FXR1: variants seen among roughly 807,000 people sequenced by gnomAD.
FXR1 encodes FMR1 autosomal homolog 1, also known as RNA-binding protein FXR1.
A neutral mutation model predicts 84.0 loss-of-function variants in FXR1; 15 were observed. The ratio of observed to expected loss-of-function variants is 0.18; its 90% CI spans 0.12 to 0.27. The LOEUF is 0.27. Among genes scored for constraint, FXR1 ranks in the 10% least tolerant of loss-of-function variants. FXR1 has a pLI of 1.00. For synonymous variants in FXR1, 245 were observed against 250.7 expected (o/e 0.98, Z 0.21); for missense variants, 480 against 774.4 (o/e 0.62, Z 4.51).
chr3:180,912,697 G>C lies in FXR1; in HGVS notation c.12G>C (p.Leu4=). 6.2e-7 allele frequency: 1 copy of C among 1,613,912 alleles called. No homozygotes were observed. The highest frequency in any genetic ancestry group is 8.5e-7 in the Non-Finnish European group (1 of 1,179,970). The change falls in exon 1 of 17, where the codon CTG becomes CTC. Residue 4 remains leucine (L), a synonymous_variant. Transcript: ENST00000357559. ...TTTGCGGTTCCAACATGGCGGAGCTGACGGTGGAGGTTCGCGGCTCTAACG... is the reference window on the plus strand; with the variant it reads ...TTTGCGGTTCCAACATGGCGGAGCTCACGGTGGAGGTTCGCGGCTCTAACG... The part of the protein sequence containing the change: MAE[L]TVEVRGSNGA...
chr3:180,937,726 TAG>T (rs1289122976), intron 3 of FXR1, among the ~76,000 whole-genome samples: 1 of 152,176 alleles, frequency 6.6e-6, no homozygotes, highest in African/African-American at 2.4e-5. Flanking sequence ...CCATATTACG[TAG>T]AGTGTTTAGA....
rs1714467292 is a variant in FXR1 at position 180,978,941 on chromosome 3, A to T, written c.*2649A>T. 1 of 152,108 alleles carries T rather than the reference A, an allele frequency of 6.6e-6. No homozygotes were observed. The highest frequency in any genetic ancestry group is 2.1e-4 in the South Asian group (1 of 4,830). The allele number at this position is 152,108 out of a possible 1,614,324, so 9.4% of individuals were successfully genotyped here. ...ACTTGTGCAAAATGGTGTCTCTGGT[A>T]ACACTTCAGAAATAATTGGCAAAAG... On this transcript the variant is annotated 3_prime_UTR_variant, in exon 17 of 17. Coordinates refer to ENST00000357559, the MANE Select transcript of FXR1 (RefSeq NM_005087.4).
chr3:180,931,938 A>G (rs191325633), intron 1 of FXR1, among the ~76,000 whole-genome samples: 2 of 151,366 alleles, frequency 1.3e-5, no homozygotes, highest in African/African-American at 4.8e-5. Context: ...ATGGGATTCC[A>G]CTGTCTTGCC....
chr3:180,926,506 A>ATATATATTTTTTTTTTTTTTTT (rs72192827), intron 1 of FXR1, among the ~76,000 whole-genome samples: 9 of 124,380 alleles, frequency 7.2e-5, no homozygotes, highest in African/African-American at 2.6e-4. Flanking sequence ...ATATATATAT[A>ATATATATTTTTTTTTTTTTTTT]TTTTTTTTTC....
Position 180,947,945 on chromosome 3 carries a change from T to C in FXR1, c.270+9T>C. 1 of 1,532,358 alleles carries C rather than the reference T, an allele frequency of 6.5e-7. No homozygotes were observed. The highest frequency in any genetic ancestry group is 1.1e-5 in the South Asian group (1 of 86,982). 94.9% of individuals were successfully genotyped at this position (1,532,358 alleles called of 1,614,324 possible). On this transcript the variant is annotated intron_variant, in intron 4 of 16. Transcript: ENST00000357559. The stretch of plus-strand genomic sequence containing the variant: ...GGATGATGAAAGGAGAAGTAAGTAC[T>C]CTTCACACTTGCTTTGTGACTAGTT...
intron 3 of FXR1, among the ~76,000 whole-genome samples, chr3:180,946,918 A>G (rs1721755002): frequency 1.3e-5 from 2 of 152,240 alleles, no homozygotes; most frequent in South Asian, 4.1e-4. Flanking sequence ...TACTGAAAAT[A>G]TAATACGTTA....
intron 4 of FXR1, 28 bp from the exon 5 acceptor site, chr3:180,948,319 A>ATTT: frequency 6.6e-7 from 1 of 1,524,068 alleles, no homozygotes; most frequent in African/African-American, 1.4e-5. Context: ...TTCAGATGGG[A>ATTT]TTTTTAAAGT....
chr3:180,947,537 A>T (rs1043092935), intron 3 of FXR1, among the ~76,000 whole-genome samples: 2 of 152,226 alleles, frequency 1.3e-5, no homozygotes, highest in East Asian at 3.8e-4. Flanking sequence ...AATATTAACA[A>T]TGTTGACAGA....
At chr3:180,924,977 A>G (rs1211765906) in intron 1 of FXR1, among the ~76,000 whole-genome samples, 1 of 152,244 alleles carries the variant, frequency 6.6e-6, no homozygotes, top group Non-Finnish European at 1.5e-5. Flanking sequence ...AAAGAAATTC[A>G]TTAAAACATA....
intron 15 of FXR1, among the ~76,000 whole-genome samples, chr3:180,974,160 C>CCT (rs377416244): frequency 7.0e-6 from 1 of 143,308 alleles, no homozygotes; most frequent in Non-Finnish European, 1.5e-5. Context: ...AGTTTCAATT[C>CCT]TTTTTTTTTT....
At chr3:180,935,871 C>T (rs560208370) in intron 3 of FXR1, among the ~76,000 whole-genome samples, 5 of 152,204 alleles carry the variant, frequency 3.3e-5, no homozygotes, top group African/African-American at 1.2e-4. Context: ...CCGTGCCCGG[C>T]CCTACAAACA....
At position 180,979,139 on chromosome 3, in the gene FXR1, G is replaced by A. The variant is rs1217179981; in HGVS notation, c.*2847G>A. The stretch of plus-strand genomic sequence containing the variant: ...GTAGCTGCTGTTAGCTGTGTCTAGC[G>A]TTTTGTAACCTAAGGAGGGTCTTAT... On this transcript the variant is annotated 3_prime_UTR_variant, in exon 17 of 17. Coordinates refer to ENST00000357559, the MANE Select transcript of FXR1 (RefSeq NM_005087.4). The A allele has an allele frequency of 2.0e-5, 3 of 152,054 alleles. No homozygotes were observed. Among genetic ancestry groups the A allele is most frequent in the Middle Eastern group, 3.2e-3 (1 of 316 alleles). 9.4% of individuals were successfully genotyped at this position (152,054 alleles called of 1,614,324 possible). A position where few individuals can be genotyped will look rare whatever the true frequency, so the allele number is the denominator to read the frequency against.
At chr3:180,966,691 A>G (rs913628571) in intron 13 of FXR1, among the ~76,000 whole-genome samples, 2 of 152,204 alleles carry the variant, frequency 1.3e-5, no homozygotes, top group African/African-American at 2.4e-5. Context: ...CACAGGGGGA[A>G]AAAATAACAA....
Position 180,945,837 on chromosome 3 carries a change from C to T in FXR1, c.199-2028C>T, listed in dbSNP as rs1215731247. On this transcript the variant is annotated intron_variant, in intron 3 of 16. Transcript: ENST00000357559. Reference sequence around the variant, plus strand: ...GAGTCATTAACTGGATGAGAATACACATCATCTTTCCCTCTTCTCCTTAGA... The same window carrying T: ...GAGTCATTAACTGGATGAGAATACATATCATCTTTCCCTCTTCTCCTTAGA... Among the ~76,000 whole-genome samples the T allele has an allele frequency of 5.9e-5, 9 of 152,232 alleles. 1 individual carries two copies. Among genetic ancestry groups the T allele is most frequent in the African/African-American group, 2.2e-4 (9 of 41,464 alleles).
At position 180,935,351 on chromosome 3, in the gene FXR1, TTGG is replaced by T. The variant is rs1720402744; in HGVS notation, c.198+125_198+127del. The T allele has an allele frequency of 9.9e-6, 6 of 604,690 alleles. No individual in the cohort carries two copies. In the South Asian group the frequency reaches 1.1e-4, roughly 11 times the overall value. The allele number at this position is 604,690 out of a possible 1,614,324, so 37.5% of individuals were successfully genotyped here. A position where few individuals can be genotyped will look rare whatever the true frequency, so the allele number is the denominator to read the frequency against. On this transcript the variant is annotated intron_variant, in intron 3 of 16. Coordinates refer to ENST00000357559, the MANE Select transcript of FXR1 (RefSeq NM_005087.4). ...TAATTCATTTTCTCTATTCTTTCTA[TTGG>T]TGGTAATAGCTGTGTAATACAGCAG... is the stretch of plus-strand genomic sequence containing the variant.
chr3:180,969,607 T>C (rs912897363), intron 14 of FXR1, among the ~76,000 whole-genome samples: 1 of 152,236 alleles, frequency 6.6e-6, no homozygotes, highest in Non-Finnish European at 1.5e-5. Flanking sequence ...TTGGCTGCTT[T>C]GTTTCAACTT....
rs561606912 is a variant in FXR1 at position 180,980,216 on chromosome 3, T to G, written c.*3924T>G. ...GGAGTATGCTGAATTTAAGTGGTGTTTGTTTTACATATGTATCCATCCCAG... is the reference window on the plus strand; with the variant it reads ...GGAGTATGCTGAATTTAAGTGGTGTGTGTTTTACATATGTATCCATCCCAG... On this transcript the variant is annotated 3_prime_UTR_variant, in exon 17 of 17. Coordinates refer to ENST00000357559, the MANE Select transcript of FXR1 (RefSeq NM_005087.4). The G allele has an allele frequency of 4.6e-5, 7 of 152,084 alleles. No homozygotes were observed. Among genetic ancestry groups the G allele is most frequent in the African/African-American group, 1.7e-4 (7 of 41,410 alleles). The allele number at this position is 152,084 out of a possible 1,614,324, so 9.4% of individuals were successfully genotyped here.
At chr3:180,935,655 G>A (rs1411390180) in intron 3 of FXR1, among the ~76,000 whole-genome samples, 2 of 152,120 alleles carry the variant, frequency 1.3e-5, no homozygotes, top group Non-Finnish European at 2.9e-5. Flanking sequence ...ATGTAACAAC[G>A]TGAAATATTG....
chr3:180,945,490 A>G (rs1016355382), intron 3 of FXR1, among the ~76,000 whole-genome samples: 8 of 152,144 alleles, frequency 5.3e-5, no homozygotes, highest in African/African-American at 1.9e-4. Flanking sequence ...CTGCAGTCTC[A>G]ACTTCCCAGG....
Sources: allele counts gnomAD v4.1 joint callset (sites outside exome capture counted in the v4.1 genomes callset), GRCh38; gene constraint gnomAD v4.1.1; transcripts MANE v1.5; gene names NCBI Gene and HGNC (gene_info 2026-07-23, HGNC 2026-07-21).